Variants in RFX3 observed in about 807,000 individuals in gnomAD.
RFX3 encodes transcription factor RFX3.
In RFX3, 14 loss-of-function variants were observed where a neutral mutation model predicts 98.6. The ratio of observed to expected loss-of-function variants is 0.14; its 90% CI spans 0.09 to 0.22. RFX3 has a LOEUF of 0.22. Ranked by LOEUF, RFX3 falls within the 10% of genes least tolerant of loss-of-function variation. The pLI, the probability that RFX3 is intolerant of heterozygous loss-of-function variation, is 1.00. For synonymous variants in RFX3, 383 were observed against 328.4 expected (o/e 1.17, Z -1.80); for missense variants, 639 against 926.9 (o/e 0.69, Z 4.03).
intron 1 of RFX3, among the ~76,000 whole-genome samples, chr9:3,490,797 A>G (rs1055382761): frequency 3.0e-4 from 45 of 152,278 alleles, no homozygotes; most frequent in African/African-American, 1.1e-3. Flanking sequence ...TCATTCCTTA[A>G]AAATAATTTA....
intron 2 of RFX3, among the ~76,000 whole-genome samples, chr9:3,366,693 C>CCTTCCTTTCTTTCTTTCTTTCTTT (rs1491500921): frequency 4.0e-4 from 34 of 85,490 alleles, no homozygotes; most frequent in Admixed American, 1.5e-3. Context: ...TTCTTTCTTT[C>CCTTCCTTTCTTTCTTTCTTTCTTT]CTTTCTTTCT....
At chr9:3,305,274 G>A (rs150423545) in intron 4 of RFX3, among the ~76,000 whole-genome samples, 8 of 152,056 alleles carry the variant, frequency 5.3e-5, no homozygotes, top group Non-Finnish European at 7.4e-5. Context: ...TAATGTATGC[G>A]GGAATCAGGG....
intron 2 of RFX3, among the ~76,000 whole-genome samples, chr9:3,353,117 T>C (rs1191681928): frequency 1.3e-5 from 2 of 149,624 alleles, no homozygotes; most frequent in Non-Finnish European, 3.0e-5. Context: ...AAACACGGCA[T>C]GTTCTCACTC....
intron 3 of RFX3, among the ~76,000 whole-genome samples, chr9:3,333,001 C>A (rs952486772): frequency 6.6e-6 from 1 of 152,180 alleles, no homozygotes; most frequent in Non-Finnish European, 1.5e-5. Flanking sequence ...TTCCCAACAT[C>A]CTTTGAATTC....
intron 15 of RFX3, among the ~76,000 whole-genome samples, chr9:3,230,108 T>G (rs1198598089): frequency 1.3e-5 from 2 of 152,188 alleles, no homozygotes; most frequent in African/African-American, 2.4e-5. Flanking sequence ...CACTTGGTCC[T>G]GGGATGATTT....
chr9:3,508,463 G>T (rs1817332688), intron 1 of RFX3, among the ~76,000 whole-genome samples: 1 of 151,910 alleles, frequency 6.6e-6, no homozygotes, highest in South Asian at 2.1e-4. Context: ...AAAGTAAAAT[G>T]AATGTAATGC....
Position 3,220,377 on chromosome 9 carries a change from T to C in RFX3, c.*4665A>G, listed in dbSNP as rs1817276919. On this transcript the variant is annotated 3_prime_UTR_variant, in exon 17 of 17. Transcript: ENST00000617270. ...AAAAAGAAACTTAACCCTTTCTTTA[T>C]ACCTTTTAAAGGCAATCTAGGTACC... 1 of 152,176 alleles carries C rather than the reference T, an allele frequency of 6.6e-6. No homozygotes were observed. The highest frequency in any genetic ancestry group is 2.4e-5 in the African/African-American group (1 of 41,452). The allele number at this position is 152,176 out of a possible 1,614,324, so 9.4% of individuals were successfully genotyped here. A position where few individuals can be genotyped will look rare whatever the true frequency, so the allele number is the denominator to read the frequency against.
At chr9:3,524,466 T>A (rs1819013127) in intron 1 of RFX3, 1 of 952,528 alleles carries the variant, frequency 1.0e-6, no homozygotes, top group Non-Finnish European at 1.2e-6. Flanking sequence ...AGAAAGAAAG[T>A]GAAATATACA....
intron 1 of RFX3, among the ~76,000 whole-genome samples, chr9:3,421,622 A>C (rs1429414767): frequency 6.6e-6 from 1 of 152,220 alleles, no homozygotes; most frequent in Non-Finnish European, 1.5e-5. Context: ...TCATTTGGTT[A>C]TCCCATTAAC....
At chr9:3,356,200 A>AAGGAAGGAAG (rs1563978412) in intron 2 of RFX3, among the ~76,000 whole-genome samples, 1 of 116,472 alleles carries the variant, frequency 8.6e-6, no homozygotes, top group African/African-American at 4.7e-5. Context: ...AAGGAAGGAA[A>AAGGAAGGAAG]GAAGGAAAGA....
At chr9:3,432,735 A>G (rs183185942) in intron 1 of RFX3, among the ~76,000 whole-genome samples, 2 of 152,322 alleles carry the variant, frequency 1.3e-5, no homozygotes, top group East Asian at 1.9e-4. Context: ...AAGATGTAGA[A>G]GCAATGCCAG....
At chr9:3,318,306 G>A (rs1252920883) in intron 4 of RFX3, among the ~76,000 whole-genome samples, 2 of 152,066 alleles carry the variant, frequency 1.3e-5, no homozygotes, top group African/African-American at 4.8e-5. Context: ...CTCACTCATA[G>A]GTGGGAACTG....
chr9:3,425,521 C>A (rs1003444398), intron 1 of RFX3, among the ~76,000 whole-genome samples: 2 of 152,184 alleles, frequency 1.3e-5, no homozygotes, highest in African/African-American at 4.8e-5. Flanking sequence ...CCATATCGTT[C>A]CCCATGTGAA....
intron 13 of RFX3, among the ~76,000 whole-genome samples, chr9:3,262,659 T>G (rs1283788073): frequency 6.6e-6 from 1 of 152,218 alleles, no homozygotes; most frequent in Non-Finnish European, 1.5e-5. Flanking sequence ...CTGTCTAACT[T>G]CAATGACTGT....
chr9:3,236,653 C>T (rs2130793447), intron 15 of RFX3, among the ~76,000 whole-genome samples: 1 of 152,290 alleles, frequency 6.6e-6, no homozygotes, highest in South Asian at 2.1e-4. Context: ...GCGGAAGTGA[C>T]CACAGGCAGT....
intron 2 of RFX3, among the ~76,000 whole-genome samples, chr9:3,383,545 C>CAA (rs201892204): frequency 2.2e-5 from 3 of 137,940 alleles, no homozygotes; most frequent in African/African-American, 5.3e-5. Context: ...GACTCTTGGC[C>CAA]AAAAAAAAAA....
At chr9:3,367,131 C>T (rs956576433) in intron 2 of RFX3, among the ~76,000 whole-genome samples, 25 of 152,116 alleles carry the variant, frequency 1.6e-4, no homozygotes, top group Non-Finnish European at 2.8e-4. Flanking sequence ...GATTATCTTA[C>T]GTTATATGGT....
intron 6 of RFX3, among the ~76,000 whole-genome samples, chr9:3,289,313 T>C (rs1467107962): frequency 6.6e-6 from 1 of 152,060 alleles, no homozygotes; most frequent in African/African-American, 2.4e-5. Flanking sequence ...ATATAAATTA[T>C]ATTGCCAGTT....
Position 3,221,763 on chromosome 9 carries a change from T to C in RFX3, c.*3279A>G, listed in dbSNP as rs1326125340. ...TCTTTTGAGTATGATTTTCAAACTA[T>C]ATGTCAAGATCAAACTATACCCATG... is the stretch of plus-strand genomic sequence containing the variant. On this transcript the variant is annotated 3_prime_UTR_variant, in exon 17 of 17. Coordinates refer to ENST00000617270, the MANE Select transcript of RFX3 (RefSeq NM_001282116.2). 1.3e-5 allele frequency: 2 copies of C among 151,996 alleles called. No homozygotes were observed. The highest frequency in any genetic ancestry group is 2.9e-5 in the Non-Finnish European group (2 of 68,016). The allele number at this position is 151,996 out of a possible 1,614,324, so 9.4% of individuals were successfully genotyped here. A position where few individuals can be genotyped will look rare whatever the true frequency, so the allele number is the denominator to read the frequency against.
Sources: allele counts gnomAD v4.1 joint callset (sites outside exome capture counted in the v4.1 genomes callset), GRCh38; gene constraint gnomAD v4.1.1; transcripts MANE v1.5; gene names NCBI Gene and HGNC (gene_info 2026-07-23, HGNC 2026-07-21).